Variants in ADGRL3 observed in about 807,000 individuals in gnomAD.
ADGRL3 encodes adhesion G protein-coupled receptor L3, also known as calcium-independent alpha-latrotoxin receptor 3.
Under a neutral mutation model 153.5 loss-of-function variants are expected in ADGRL3, and 62 were observed. That is an observed-to-expected ratio of 0.40 (90% CI 0.33 to 0.50). The LOEUF is 0.50. Ranked by LOEUF, ADGRL3 falls within the 20% of genes least tolerant of loss-of-function variation. ADGRL3 has a pLI of 0.47. For synonymous variants in ADGRL3, 710 were observed against 672.5 expected (o/e 1.06, Z -0.86); for missense variants, 1,641 against 1,859.4 (o/e 0.88, Z 2.16).
At chr4:61,459,838 G>T (rs1358733684) in intron 2 of ADGRL3, among the ~76,000 whole-genome samples, 1 of 151,964 alleles carries the variant, frequency 6.6e-6, no homozygotes, top group Non-Finnish European at 1.5e-5. Context: ...GTGCAACTGT[G>T]CAAAACTTCT....
At chr4:61,843,992 G>T (rs1357942530) in intron 9 of ADGRL3, among the ~76,000 whole-genome samples, 1 of 148,176 alleles carries the variant, frequency 6.7e-6, no homozygotes, top group Non-Finnish European at 1.5e-5. Context: ...TTGCACTCCA[G>T]CCTGGTGACA....
chr4:61,965,358 T>A (rs1179869737), intron 17 of ADGRL3, among the ~76,000 whole-genome samples: 1 of 152,122 alleles, frequency 6.6e-6, no homozygotes, highest in Non-Finnish European at 1.5e-5. Flanking sequence ...GTTAGAAAAC[T>A]ACTAGACTCT....
chr4:61,303,803 A>G (rs1384019436), intron 1 of ADGRL3, among the ~76,000 whole-genome samples: 1 of 152,184 alleles, frequency 6.6e-6, no homozygotes, highest in East Asian at 1.9e-4. Context: ...TGATTACTTC[A>G]TTCTATTTTA....
intron 1 of ADGRL3, among the ~76,000 whole-genome samples, chr4:61,308,303 T>C (rs2094874655): frequency 6.6e-6 from 1 of 152,136 alleles, no homozygotes; most frequent in Non-Finnish European, 1.5e-5. Context: ...ACCCTAACAC[T>C]GTTCCTGAGA....
At chr4:61,959,327 C>A (rs748430039) in intron 17 of ADGRL3, among the ~76,000 whole-genome samples, 1 of 152,148 alleles carries the variant, frequency 6.6e-6, no homozygotes. Context: ...TTTCTCTAGT[C>A]AAATTATAAT....
chr4:61,884,914 C>T (rs1023391264), intron 9 of ADGRL3, among the ~76,000 whole-genome samples: 1 of 151,394 alleles, frequency 6.6e-6, no homozygotes, highest in African/African-American at 2.4e-5. Context: ...TGTGAGCCAC[C>T]GCGCCCGGCC....
At chr4:61,859,391 C>A (rs920028323) in intron 9 of ADGRL3, among the ~76,000 whole-genome samples, 5 of 152,206 alleles carry the variant, frequency 3.3e-5, no homozygotes, top group Admixed American at 3.3e-4. Flanking sequence ...GACAATATGG[C>A]AAATTAGTGA....
chr4:61,908,759 T>C (rs1415324030), intron 11 of ADGRL3, among the ~76,000 whole-genome samples: 5 of 152,210 alleles, frequency 3.3e-5, no homozygotes, highest in African/African-American at 1.2e-4. Context: ...AAGAAGATTA[T>C]AACTTGGGAA....
intron 4 of ADGRL3, among the ~76,000 whole-genome samples, chr4:61,560,647 T>C (rs2098791010): frequency 9.4e-6 from 1 of 106,478 alleles, no homozygotes; most frequent in Non-Finnish European, 1.9e-5. Context: ...GTGGGGTTTT[T>C]ATTTATTTAT....
intron 8 of ADGRL3, among the ~76,000 whole-genome samples, chr4:61,778,810 C>T (rs952245536): frequency 1.3e-5 from 2 of 152,194 alleles, no homozygotes; most frequent in Non-Finnish European, 2.9e-5. Context: ...GTAATCCCAG[C>T]ACTGTGGGAG....
At chr4:61,410,675 G>C (rs1253514344) in intron 2 of ADGRL3, among the ~76,000 whole-genome samples, 1 of 152,136 alleles carries the variant, frequency 6.6e-6, no homozygotes, top group African/African-American at 2.4e-5. Context: ...TCCAACTTCT[G>C]TGCCTGGACA....
intron 4 of ADGRL3, among the ~76,000 whole-genome samples, chr4:61,531,519 ACATTATTATTATAGCATTT>A (rs1484047345): frequency 1.3e-5 from 2 of 152,168 alleles, no homozygotes; most frequent in African/African-American, 4.8e-5. Flanking sequence ...CACTGGAAAG[ACATTATTATTATAGCATTT>A]CATTTCCTTC....
chr4:61,340,619 A>G (rs1267051257), intron 1 of ADGRL3, among the ~76,000 whole-genome samples: 2 of 152,054 alleles, frequency 1.3e-5, no homozygotes, highest in East Asian at 1.9e-4. Flanking sequence ...ATATCAGTCT[A>G]TCTCTCTTAT....
intron 1 of ADGRL3, among the ~76,000 whole-genome samples, chr4:61,234,320 G>A (rs113846902): frequency 1.3e-5 from 2 of 152,116 alleles, no homozygotes; most frequent in African/African-American, 4.8e-5. Flanking sequence ...GGAAACACCT[G>A]ATAAACCCAT....
intron 17 of ADGRL3, among the ~76,000 whole-genome samples, chr4:61,950,567 A>T (rs1471923313): frequency 1.3e-5 from 2 of 152,242 alleles, no homozygotes; most frequent in African/African-American, 4.8e-5. Context: ...ACAGAAACAA[A>T]TATCTAAATT....
intron 4 of ADGRL3, among the ~76,000 whole-genome samples, chr4:61,553,874 A>G (rs1344374501): frequency 1.3e-5 from 2 of 152,118 alleles, no homozygotes; most frequent in African/African-American, 2.4e-5. Flanking sequence ...TTAACAACCC[A>G]CTTTTAAATT....
rs1451137546 is a variant in ADGRL3, at chr4:61,320,592, C to T, written c.-239-62532C>T. On this transcript the variant is annotated intron_variant, in intron 1 of 26. Transcript: ENST00000683033. ...AATTTCTTCTCCCTTAGGAAACCTC[C>T]ATCTCTGCTCTTAAGGCCTGCCCAT... Among the ~76,000 whole-genome samples, 4 of 152,286 alleles carry T rather than the reference C, an allele frequency of 2.6e-5. No individual in the cohort carries two copies. The East Asian group carries it at 7.8e-4, about 30-fold the overall frequency.
At chr4:61,549,659 T>A (rs2148784488) in intron 4 of ADGRL3, among the ~76,000 whole-genome samples, 1 of 152,174 alleles carries the variant, frequency 6.6e-6, no homozygotes, top group South Asian at 2.1e-4. Flanking sequence ...CAAATTTTAC[T>A]TTATTCCTCT....
chr4:61,293,867 C>T (rs1393755193), intron 1 of ADGRL3, among the ~76,000 whole-genome samples: 5 of 152,160 alleles, frequency 3.3e-5, no homozygotes, highest in Non-Finnish European at 2.9e-5. Flanking sequence ...CTAAATCTCA[C>T]TCTGCCAGTT....
Sources: allele counts gnomAD v4.1 joint callset (sites outside exome capture counted in the v4.1 genomes callset), GRCh38; gene constraint gnomAD v4.1.1; transcripts MANE v1.5; gene names NCBI Gene and HGNC (gene_info 2026-07-23, HGNC 2026-07-21).